Variants in DZIP3 observed in about 807,000 individuals in gnomAD.
DZIP3 encodes DAZ interacting zinc finger protein 3, also known as E3 ubiquitin-protein ligase DZIP3.
A neutral mutation model predicts 162.0 loss-of-function variants in DZIP3; 118 were observed. That is an observed-to-expected ratio of 0.73 (90% CI 0.63 to 0.85). DZIP3 has a LOEUF of 0.85. Among genes scored for constraint, DZIP3 ranks in the 40% least tolerant of loss-of-function variants. DZIP3 has a pLI of 0.00. For missense variants in DZIP3, 1,331 were observed against 1,407.0 expected, an observed-to-expected ratio of 0.95 and a Z score of 0.86; for synonymous variants, 438 against 458.6, an observed-to-expected ratio of 0.96 and a Z score of 0.57.
intron 25 of DZIP3, among the ~76,000 whole-genome samples, chr3:108,676,393 G>A (rs1456459518): frequency 6.6e-6 from 1 of 152,020 alleles, no homozygotes; most frequent in Non-Finnish European, 1.5e-5. Flanking sequence ...AGAAAATCAA[G>A]TAGGCCTGTA....
chr3:108,687,860 G>A, intron 28 of DZIP3, 116 bp from the exon 29 acceptor site: 3 of 1,358,592 alleles, frequency 2.2e-6, no homozygotes, highest in Admixed American at 2.0e-5. Context: ...AAAGAGTCCT[G>A]TCTGTATGCT....
chr3:108,693,245 G>A (rs1185163528), intron 32 of DZIP3, 115 bp from the exon 33 acceptor site: 1 of 150,628 alleles, frequency 6.6e-6, no homozygotes, highest in Non-Finnish European at 1.5e-5. Flanking sequence ...AAAAAAAGAA[G>A]TAGGAAAATC....
At chr3:108,690,312 C>T (rs995033277) in intron 31 of DZIP3, among the ~76,000 whole-genome samples, 1 of 152,004 alleles carries the variant, frequency 6.6e-6, no homozygotes, top group Non-Finnish European at 1.5e-5. Context: ...AGTTCATAGC[C>T]GAAAATTACT....
intron 9 of DZIP3, 100 bp from the exon 10 acceptor site, chr3:108,634,771 A>G (rs754208586): frequency 3.6e-5 from 20 of 556,660 alleles, no homozygotes; most frequent in East Asian, 1.0e-4. Context: ...TGTAAAATCT[A>G]TCTAATTATA....
chr3:108,652,653 C>G (rs1286381056), intron 18 of DZIP3, among the ~76,000 whole-genome samples: 2 of 151,656 alleles, frequency 1.3e-5, no homozygotes, highest in East Asian at 3.8e-4. Context: ...ACAATACTCA[C>G]CTCTCATTCA....
rs748434749 is a variant in DZIP3, at chr3:108,616,578, T to C, written c.296T>C (p.Ile99Thr). 6 of 1,610,118 alleles carry C rather than the reference T, an allele frequency of 3.7e-6. No individual in the cohort carries two copies. The African/African-American group carries it at 6.7e-5, about 18-fold the overall frequency. ...VAANSQNGEE[I>T]VPALTLRFLI... The stretch of plus-strand genomic sequence containing the variant: ...GCTAACAGCCAGAATGGTGAGGAAA[T>C]TGTTCCTGCTTTGACTTTACGTTTC... The change falls in exon 5 of 33, where the codon ATT (isoleucine) becomes ACT (threonine). Residue 99 changes from isoleucine (I) to threonine (T), a missense_variant. Physicochemically the swap from Ile to Thr is moderately conservative, Grantham distance 89 (BLOSUM62 -1). Around this residue, in one of 2 missense-constraint regions of DZIP3, gnomAD observed 1,278 missense variants for 1,317.1 expected, o/e 0.97. Coordinates refer to ENST00000361582, the MANE Select transcript of DZIP3 (RefSeq NM_014648.4).
intron 5 of DZIP3, among the ~76,000 whole-genome samples, chr3:108,621,690 G>A (rs976133468): frequency 1.3e-5 from 2 of 152,134 alleles, no homozygotes; most frequent in South Asian, 2.1e-4. Context: ...ACTATGGCAA[G>A]CAGTTTGGAG....
chr3:108,611,299 A>G lies in DZIP3; in HGVS notation c.228A>G (p.Leu76=), dbSNP rs756267360. 1.2e-6 allele frequency: 2 copies of G among 1,611,834 alleles called. No individual in the cohort carries two copies. Among genetic ancestry groups the G allele is most frequent in the Non-Finnish European group, 1.7e-6 (2 of 1,179,364 alleles). Residue 76 remains leucine (L), a synonymous_variant, in exon 4 of 33, where the codon TTA becomes TTG. Coordinates refer to ENST00000361582, the MANE Select transcript of DZIP3 (RefSeq NM_014648.4). Reference sequence around the variant, plus strand: ...TGGTTCCTCACATTAAGAAGTTCTTACAAGAAGATTTTTCCTTCCAAACTA... The same window carrying G: ...TGGTTCCTCACATTAAGAAGTTCTTGCAAGAAGATTTTTCCTTCCAAACTA... ...KGVVPHIKKF[L]QEDFSFQTMQ...
chr3:108,633,143 TAAAAA>T, intron 9 of DZIP3, 71 bp downstream of exon 9: 2 of 686,508 alleles, frequency 2.9e-6, no homozygotes, highest in South Asian at 6.5e-5. Context: ...TATAAAATAA[TAAAAA>T]TTATATTATG....
rs886141051 is a variant in DZIP3, at chr3:108,616,471, T to C, written c.259-70T>C. ...TTTTCTCCAATGAGCATGAATTATT[T>C]GTATAATGTAAACATATGTAGATGT... is the stretch of plus-strand genomic sequence containing the variant. On this transcript the variant is annotated intron_variant, in intron 4 of 32. Coordinates refer to ENST00000361582, the MANE Select transcript of DZIP3 (RefSeq NM_014648.4). 44 of 1,019,418 alleles carry C rather than the reference T, an allele frequency of 4.3e-5. 1 individual carries two copies. The highest frequency in any genetic ancestry group is 3.1e-4 in the Admixed American group (12 of 38,594). 63.1% of individuals were successfully genotyped at this position (1,019,418 alleles called of 1,614,324 possible).
intron 22 of DZIP3, among the ~76,000 whole-genome samples, chr3:108,670,639 C>G (rs577593060): frequency 6.6e-6 from 1 of 151,724 alleles, no homozygotes; most frequent in African/African-American, 2.4e-5. Context: ...GGGTATGTAC[C>G]AAGGAGTAGA....
At chr3:108,693,083 C>A (rs1251735839) in intron 32 of DZIP3, among the ~76,000 whole-genome samples, 2 of 151,292 alleles carry the variant, frequency 1.3e-5, no homozygotes, top group African/African-American at 2.4e-5. Context: ...AGAATTGTTA[C>A]AATTACCCAG....
chr3:108,674,255 C>G, intron 24 of DZIP3, 74 bp downstream of exon 24: 1 of 1,313,188 alleles, frequency 7.6e-7, no homozygotes, highest in Non-Finnish European at 1.1e-6. Context: ...TGAATATAAT[C>G]TGTGATGTGT....
intron 26 of DZIP3, among the ~76,000 whole-genome samples, chr3:108,681,746 C>T (rs561465067): frequency 8.3e-5 from 12 of 143,862 alleles, no homozygotes; most frequent in Middle Eastern, 3.4e-3. Context: ...AATACTCTGC[C>T]GCCATAAAAA....
chr3:108,680,211 A>AGT (rs1944255810), intron 26 of DZIP3, among the ~76,000 whole-genome samples: 1 of 152,110 alleles, frequency 6.6e-6, no homozygotes, highest in African/African-American at 2.4e-5. Flanking sequence ...AAAAGTTAGA[A>AGT]GTGTTTCCTC....
chr3:108,642,754 A>G (rs900887559), intron 13 of DZIP3, among the ~76,000 whole-genome samples: 1 of 152,174 alleles, frequency 6.6e-6, no homozygotes, highest in Admixed American at 6.5e-5. Flanking sequence ...TCTGGTGCAT[A>G]GCTGTGACTA....
At chr3:108,601,929 C>T (rs1232066149) in intron 1 of DZIP3, among the ~76,000 whole-genome samples, 2 of 152,072 alleles carry the variant, frequency 1.3e-5, no homozygotes, top group African/African-American at 2.4e-5. Flanking sequence ...CTATATAAAC[C>T]CCTAGTTTTA....
chr3:108,688,229 A>G (rs533500171), intron 29 of DZIP3, 133 bp downstream of exon 29: 2 of 1,115,994 alleles, frequency 1.8e-6, no homozygotes, highest in African/African-American at 3.2e-5. Flanking sequence ...TATTAACAGT[A>G]AATAACAACT....
At chr3:108,671,423 A>G (rs908252488) in intron 22 of DZIP3, among the ~76,000 whole-genome samples, 1 of 151,878 alleles carries the variant, frequency 6.6e-6, no homozygotes, top group African/African-American at 2.4e-5. Flanking sequence ...TTTGGTTTGT[A>G]TGCTTATAGA....
Sources: gnomAD v4.1 joint callset for allele counts (sites outside exome capture counted in the v4.1 genomes callset) on GRCh38, gnomAD v4.1.1 for gene constraint, gnomAD v4.1.1 regional missense constraint, MANE v1.5 for transcripts, NCBI Gene and HGNC (gene_info 2026-07-23, HGNC 2026-07-21) for gene names.